Variants in LPP observed in about 807,000 individuals in gnomAD.
LPP encodes the protein LIM domain containing preferred translocation partner in lipoma, also known as lipoma-preferred partner.
A neutral mutation model predicts 60.4 loss-of-function variants in LPP; 38 were observed. That is an observed-to-expected ratio of 0.63 (90% CI 0.49 to 0.83). LPP has a LOEUF of 0.83. Among genes scored for constraint, LPP ranks in the 40% least tolerant of loss-of-function variants. The pLI is 0.00. For synonymous variants in LPP, 328 were observed against 290.8 expected (o/e 1.13, Z -1.30); for missense variants, 902 against 783.6 (o/e 1.15, Z -1.80).
chr3:188,783,169 T>C (rs1740373362), intron 9 of LPP, among the ~76,000 whole-genome samples: 2 of 152,112 alleles, frequency 1.3e-5, no homozygotes, highest in Non-Finnish European at 2.9e-5. Context: ...GCTTGGCCCA[T>C]ATTTTCCCTC....
intron 9 of LPP, among the ~76,000 whole-genome samples, chr3:188,793,984 G>A (rs1466418952): frequency 6.6e-6 from 1 of 151,750 alleles, no homozygotes; most frequent in Admixed American, 6.6e-5. Context: ...TTTAATAAAG[G>A]GCAGAAATCA....
chr3:188,503,975 G>A (rs1403234807), intron 5 of LPP, among the ~76,000 whole-genome samples: 2 of 152,056 alleles, frequency 1.3e-5, no homozygotes, highest in East Asian at 1.9e-4. Flanking sequence ...TATACTCTTG[G>A]CTTTGATCAA....
chr3:188,183,075 A>G (rs1472678623), intron 1 of LPP, among the ~76,000 whole-genome samples: 1 of 152,162 alleles, frequency 6.6e-6, no homozygotes, highest in Non-Finnish European at 1.5e-5. Flanking sequence ...ATTTTGTACT[A>G]TCTGCCTGAG....
chr3:188,882,288 T>C lies in LPP; in HGVS notation c.*7809T>C, dbSNP rs915295592. Reference sequence around the variant, plus strand: ...GTATTTAAGGCACAACAGGGAAACATGGGCTATACTCAGAGAAGACCCTCT... The same window carrying C: ...GTATTTAAGGCACAACAGGGAAACACGGGCTATACTCAGAGAAGACCCTCT... On this transcript the variant is annotated 3_prime_UTR_variant, in exon 12 of 12. Coordinates refer to ENST00000617246, the MANE Select transcript of LPP (RefSeq NM_001375462.1). The C allele has an allele frequency of 4.5e-6, 1 of 224,108 alleles. No homozygotes were observed. Among genetic ancestry groups the C allele is most frequent in the Non-Finnish European group, 8.9e-6 (1 of 112,534 alleles). 13.9% of individuals were successfully genotyped at this position (224,108 alleles called of 1,614,324 possible). A position where few individuals can be genotyped will look rare whatever the true frequency, so the allele number is the denominator to read the frequency against.
intron 2 of LPP, among the ~76,000 whole-genome samples, chr3:188,310,657 A>G (rs973960043): frequency 6.6e-6 from 1 of 152,170 alleles, no homozygotes; most frequent in African/African-American, 2.4e-5. Flanking sequence ...GAGTTGAAAT[A>G]GATTTTTTTA....
intron 6 of LPP, among the ~76,000 whole-genome samples, chr3:188,555,957 G>C (rs149160389): frequency 6.6e-6 from 1 of 152,210 alleles, no homozygotes; most frequent in Non-Finnish European, 1.5e-5. Context: ...AACTATTAAA[G>C]AATGCTTGGG....
At chr3:188,485,006 A>G (rs1239346396) in intron 5 of LPP, among the ~76,000 whole-genome samples, 1 of 151,992 alleles carries the variant, frequency 6.6e-6, no homozygotes, top group African/African-American at 2.4e-5. Context: ...AGAAGGCAAC[A>G]TTTCCTTGTT....
intron 1 of LPP, among the ~76,000 whole-genome samples, chr3:188,193,154 T>C (rs748604006): frequency 5.3e-5 from 8 of 152,200 alleles, no homozygotes; most frequent in Non-Finnish European, 1.2e-4. Context: ...AGGGAGAGAA[T>C]GTGCTGATTA....
chr3:188,290,582 GT>G (rs1391865907), intron 2 of LPP, among the ~76,000 whole-genome samples: 1 of 151,884 alleles, frequency 6.6e-6, no homozygotes, highest in African/African-American at 2.4e-5. Context: ...GTTTAGGACT[GT>G]TCATGTTCCC....
At chr3:188,471,998 C>T (rs895330906) in intron 4 of LPP, among the ~76,000 whole-genome samples, 5 of 152,252 alleles carry the variant, frequency 3.3e-5, no homozygotes, top group Non-Finnish European at 5.9e-5. Flanking sequence ...TCTCTTGGAG[C>T]CTAATGTTCC....
At chr3:188,737,083 C>G (rs1722786708) in intron 8 of LPP, among the ~76,000 whole-genome samples, 1 of 151,518 alleles carries the variant, frequency 6.6e-6, no homozygotes. Context: ...TCCCAATAAT[C>G]AGATTACATG....
chr3:188,351,312 T>C (rs1296682807), intron 3 of LPP, among the ~76,000 whole-genome samples: 1 of 152,190 alleles, frequency 6.6e-6, no homozygotes, highest in African/African-American at 2.4e-5. Context: ...ACCTATCTAG[T>C]CCAGCTCCCC....
intron 4 of LPP, among the ~76,000 whole-genome samples, chr3:188,434,317 A>T (rs1313112386): frequency 3.3e-5 from 5 of 152,010 alleles, no homozygotes; most frequent in Admixed American, 6.6e-5. Context: ...AGATATATAT[A>T]TTTTTTCATA....
At chr3:188,344,597 C>T (rs1458234452) in intron 3 of LPP, among the ~76,000 whole-genome samples, 7 of 152,198 alleles carry the variant, frequency 4.6e-5, no homozygotes, top group Admixed American at 4.6e-4. Context: ...CTAGCTAGTC[C>T]CTTCTCTCTC....
At chr3:188,653,663 C>T (rs541110524) in intron 7 of LPP, among the ~76,000 whole-genome samples, 16 of 152,244 alleles carry the variant, frequency 1.1e-4, no homozygotes, top group Admixed American at 2.6e-4. Context: ...GCACATCTAA[C>T]GCACCTGCCC....
At chr3:188,566,822 A>T (rs1171690658) in intron 6 of LPP, among the ~76,000 whole-genome samples, 2 of 151,800 alleles carry the variant, frequency 1.3e-5, no homozygotes, top group African/African-American at 4.8e-5. Context: ...TGGAGGGTGG[A>T]GAAGGGGAGT....
intron 10 of LPP, among the ~76,000 whole-genome samples, chr3:188,867,363 T>G (rs1342529992): frequency 6.6e-6 from 1 of 150,776 alleles, no homozygotes; most frequent in Non-Finnish European, 1.5e-5. Context: ...TATTATTTTT[T>G]AGACAAAGTC....
At chr3:188,450,564 G>A (rs1192124575) in intron 4 of LPP, among the ~76,000 whole-genome samples, 2 of 152,054 alleles carry the variant, frequency 1.3e-5, no homozygotes, top group Non-Finnish European at 1.5e-5. Context: ...GACCAACATG[G>A]TGAAACTCCT....
chr3:188,768,884 A>G (rs1487747168), intron 9 of LPP, among the ~76,000 whole-genome samples: 8 of 152,168 alleles, frequency 5.3e-5, no homozygotes, highest in African/African-American at 1.9e-4. Flanking sequence ...TTTTAAATAA[A>G]TGGCATTCTA....
Sources: gnomAD v4.1 joint callset for allele counts (sites outside exome capture counted in the v4.1 genomes callset) on GRCh38, gnomAD v4.1.1 for gene constraint, MANE v1.5 for transcripts, NCBI Gene and HGNC (gene_info 2026-07-23, HGNC 2026-07-21) for gene names.